WIPI2: variants seen among roughly 807,000 people sequenced by gnomAD.
WIPI2 encodes the protein WD repeat domain phosphoinositide-interacting protein 2.
In WIPI2, 28 loss-of-function variants were observed where a neutral mutation model predicts 52.3. That is an observed-to-expected ratio of 0.54 (90% CI 0.40 to 0.73). The LOEUF (loss-of-function observed/expected upper bound fraction) is 0.73, where lower values mean the gene tolerates loss of function less well. Among genes scored for constraint, WIPI2 ranks in the 30% least tolerant of loss-of-function variants. The pLI, the probability that WIPI2 is intolerant of heterozygous loss-of-function variation, is 0.00. For missense variants in WIPI2, 506 were observed against 602.9 expected, an observed-to-expected ratio of 0.84 and a Z score of 1.68; for synonymous variants, 268 against 245.0, an observed-to-expected ratio of 1.09 and a Z score of -0.88.
At chr7:5,203,623 GC>G (rs1315692776) in intron 3 of WIPI2, among the ~76,000 whole-genome samples, 5 of 130,266 alleles carry the variant, frequency 3.8e-5, no homozygotes, top group African/African-American at 1.2e-4. Flanking sequence ...TTTACGTTCA[GC>G]CTTTTTTTTT....
At position 5,225,223 on chromosome 7, in the gene WIPI2, CTCT is replaced by C. The variant is rs1243902612; in HGVS notation, c.741-599_741-597del. 3.3e-5 allele frequency among the ~76,000 whole-genome samples: 5 copies of C among 152,074 alleles called. No individual in the cohort carries two copies. The East Asian group carries it at 9.7e-4, about 29-fold the overall frequency. On this transcript the variant is annotated intron_variant, in intron 8 of 12. Coordinates refer to ENST00000288828, the MANE Select transcript of WIPI2 (RefSeq NM_015610.4). ...TGGTGCGATCTCAGCTCACTGCAAC[CTCT>C]GCCTCCCAGGTTCAAGCAATTCTCC...
chr7:5,213,665 TTTG>T (rs149745229), intron 3 of WIPI2, among the ~76,000 whole-genome samples: 13,612 of 55,798 alleles, frequency 0.24, 754 homozygotes, highest in Middle Eastern at 0.33. Flanking sequence ...TTTTCTTTGT[TTTG>T]TTGTTGTTGT....
chr7:5,190,412 G>A lies in WIPI2; in HGVS notation c.-8G>A, dbSNP rs773523210. 9.9e-6 allele frequency: 14 copies of A among 1,408,012 alleles called. No individual in the cohort carries two copies. Among genetic ancestry groups the A allele is most frequent in the Middle Eastern group, 2.0e-4 (1 of 5,100 alleles). The allele number at this position is 1,408,012 out of a possible 1,614,324, so 87.2% of individuals were successfully genotyped here. ...CCCCGGCCGGGCCCACTCGCCGCGC[G>A]CCCAGCCATGAACCTGGCGAGCCAG... is the stretch of plus-strand genomic sequence containing the variant. On this transcript the variant is annotated 5_prime_UTR_variant, in exon 1 of 13. Transcript: ENST00000288828.
At position 5,227,445 on chromosome 7, in the gene WIPI2, A is replaced by T; in HGVS notation, c.1013+101A>T. The T allele has an allele frequency of 6.9e-7, 1 of 1,449,684 alleles. No individual in the cohort carries two copies. Among genetic ancestry groups the T allele is most frequent in the Non-Finnish European group, 9.2e-7 (1 of 1,089,858 alleles). 89.8% of individuals were successfully genotyped at this position (1,449,684 alleles called of 1,614,324 possible). A position where few individuals can be genotyped will look rare whatever the true frequency, so the allele number is the denominator to read the frequency against. ...CCCTTCCGTGCTTCTGAACAGGAGC[A>T]GCTTCTTAGAGCCGACACTCCATCG... is the stretch of plus-strand genomic sequence containing the variant. On this transcript the variant is annotated intron_variant, in intron 10 of 12. Coordinates refer to ENST00000288828, the MANE Select transcript of WIPI2 (RefSeq NM_015610.4). The surrounding 1 kb of genome is among the most constrained non-coding windows in gnomAD (Gnocchi z 8.1).
At chr7:5,218,045 G>A (rs1370058265) in intron 7 of WIPI2, 31 bp downstream of exon 7, 1 of 1,608,522 alleles carries the variant, frequency 6.2e-7, no homozygotes, top group South Asian at 1.1e-5. Flanking sequence ...GGGAGCACTG[G>A]TGCCAAGGCG....
chr7:5,197,111 CAAAAAACAAAAAAAAAAAAAAA>C lies in WIPI2; in HGVS notation c.129-2458_129-2437del, dbSNP rs1344409684. On this transcript the variant is annotated intron_variant, in intron 2 of 12. Coordinates refer to ENST00000288828, the MANE Select transcript of WIPI2 (RefSeq NM_015610.4). ...TGCATGACAGAGCGGGACTCCGTCT[CAAAAAACAAAAAAAAAAAAAAA>C]AAAAAAAAAAAAACCATAAAATAAA... is the stretch of plus-strand genomic sequence containing the variant. Among the ~76,000 whole-genome samples the C allele has an allele frequency of 1.4e-4, 8 of 56,428 alleles. No individual in the cohort carries two copies. In the South Asian group the frequency reaches 3.9e-3, roughly 27 times the overall value. The allele number at this position is 56,428 out of a possible 152,430, so 37.0% of individuals were successfully genotyped here. A position where few individuals can be genotyped will look rare whatever the true frequency, so the allele number is the denominator to read the frequency against.
In WIPI2 at chr7:5,193,176, G is replaced by A. The variant is rs1181427378; in HGVS notation, c.128+5G>A. Reference sequence around the variant, plus strand: ...TGGCCGTCGCGCTGTTGTCTGGTTAGTTCCAACCCTGGTTTCTGAAAGTAT... The same window carrying A: ...TGGCCGTCGCGCTGTTGTCTGGTTAATTCCAACCCTGGTTTCTGAAAGTAT... On this transcript the variant is annotated splice_donor_5th_base_variant and intron_variant, in intron 2 of 12. Coordinates refer to ENST00000288828, the MANE Select transcript of WIPI2 (RefSeq NM_015610.4). 1 of 1,613,074 alleles carries A rather than the reference G, an allele frequency of 6.2e-7. No individual in the cohort carries two copies. Among genetic ancestry groups the A allele is most frequent in the East Asian group, 2.2e-5 (1 of 44,894 alleles).
intron 6 of WIPI2, chr7:5,217,422 A>G: frequency 2.0e-6 from 1 of 512,024 alleles, no homozygotes; most frequent in Non-Finnish European, 3.6e-6. Flanking sequence ...CTCCTGCCTC[A>G]GCCTCCCGAG....
At chr7:5,206,695 C>G (rs1307599293) in intron 3 of WIPI2, among the ~76,000 whole-genome samples, 1 of 152,210 alleles carries the variant, frequency 6.6e-6, no homozygotes, top group Admixed American at 6.5e-5. Context: ...GTATCCACCA[C>G]TTAGATTCTT....
At chr7:5,200,021 T>G (rs773321873) in intron 3 of WIPI2, among the ~76,000 whole-genome samples, 23 of 152,238 alleles carry the variant, frequency 1.5e-4, no homozygotes, top group Non-Finnish European at 2.9e-4. Context: ...TTACAGCCCC[T>G]GTAGGAACAA....
In WIPI2 at chr7:5,230,670, G is replaced by C. The variant is rs566214407; in HGVS notation, c.1253-165G>C. Among the ~76,000 whole-genome samples, 2 of 152,332 alleles carry C rather than the reference G, an allele frequency of 1.3e-5. No homozygotes were observed. Among genetic ancestry groups the C allele is most frequent in the African/African-American group, 4.8e-5 (2 of 41,566 alleles). On this transcript the variant is annotated intron_variant, in intron 12 of 12. Coordinates refer to ENST00000288828, the MANE Select transcript of WIPI2 (RefSeq NM_015610.4). This position sits in a 1 kb window ranked among gnomAD's most constrained non-coding sequence, Gnocchi z 4.8. ...ATGACTTCATCTCGAGCTGCCTAAGGCTGCAAAGAGTTCATTAGAAAGCAA... is the reference window on the plus strand; with the variant it reads ...ATGACTTCATCTCGAGCTGCCTAAGCCTGCAAAGAGTTCATTAGAAAGCAA...
intron 8 of WIPI2, 66 bp downstream of exon 8, chr7:5,222,738 T>C: frequency 6.7e-7 from 1 of 1,485,192 alleles, no homozygotes; most frequent in Non-Finnish European, 9.4e-7. Context: ...TTATGTTATC[T>C]ATGAACAAAC....
intron 3 of WIPI2, among the ~76,000 whole-genome samples, chr7:5,206,606 C>G (rs1002864404): frequency 2.0e-5 from 3 of 152,126 alleles, no homozygotes; most frequent in African/African-American, 7.2e-5. Context: ...CAACTGAAGA[C>G]ATCATTTTTC....
At chr7:5,213,912 C>G (rs1782684795) in intron 3 of WIPI2, among the ~76,000 whole-genome samples, 3 of 152,154 alleles carry the variant, frequency 2.0e-5, no homozygotes, top group Non-Finnish European at 4.4e-5. Flanking sequence ...GTCTTAATCT[C>G]CCGACCTTGT....
intron 3 of WIPI2, among the ~76,000 whole-genome samples, chr7:5,210,755 C>T (rs1385790231): frequency 2.0e-5 from 3 of 152,174 alleles, no homozygotes; most frequent in Non-Finnish European, 2.9e-5. Flanking sequence ...GCTGGATTAG[C>T]GAATCATGAA....
At chr7:5,219,869 T>C (rs1783016717) in intron 7 of WIPI2, among the ~76,000 whole-genome samples, 1 of 151,846 alleles carries the variant, frequency 6.6e-6, no homozygotes, top group Admixed American at 6.6e-5. Context: ...TCATGCTTGC[T>C]CTGTCACCCA....
intron 3 of WIPI2, 39 bp downstream of exon 3, chr7:5,199,697 A>G (rs754466267): frequency 7.7e-6 from 12 of 1,556,416 alleles, no homozygotes; most frequent in Non-Finnish European, 1.0e-5. Flanking sequence ...TTAAAAAAAA[A>G]AAAAAAAGTT....
At chr7:5,219,563 G>A (rs1249888738) in intron 7 of WIPI2, among the ~76,000 whole-genome samples, 1 of 152,192 alleles carries the variant, frequency 6.6e-6, no homozygotes, top group Non-Finnish European at 1.5e-5. Context: ...TGTCCCAGGT[G>A]CTGAGGCCCC....
At chr7:5,202,264 C>T (rs1782061906) in intron 3 of WIPI2, among the ~76,000 whole-genome samples, 1 of 152,192 alleles carries the variant, frequency 6.6e-6, no homozygotes, top group African/African-American at 2.4e-5. Flanking sequence ...TTCACACACA[C>T]ACACAAAAGC....
Sources: gnomAD v4.1 joint callset for allele counts (sites outside exome capture counted in the v4.1 genomes callset) on GRCh38, gnomAD v4.1.1 for gene constraint, Gnocchi (gnomAD v3.1) non-coding constraint, MANE v1.5 for transcripts, NCBI Gene and HGNC (gene_info 2026-07-23, HGNC 2026-07-21) for gene names.